ROBO1: variants seen among roughly 807,000 people sequenced by gnomAD.
ROBO1 encodes the protein roundabout guidance receptor 1.
Under a neutral mutation model 195.9 loss-of-function variants are expected in ROBO1, and 149 were observed. The observed-to-expected ratio is 0.76, with a 90% confidence interval of 0.67 to 0.87. The LOEUF is 0.87. ROBO1 is among the 40% of genes least tolerant of loss of function. The probability of loss-of-function intolerance (pLI) is 0.00; values close to 1 mark genes in which losing one functional copy is unlikely to be tolerated. For synonymous variants in ROBO1, 816 were observed against 733.2 expected (o/e 1.11, Z -1.82); for missense variants, 1,933 against 2,068.3 (o/e 0.93, Z 1.27).
rs908472054 is a variant in ROBO1, at chr3:78,647,611, G to T, written c.2839+18C>A. On this transcript the variant is annotated intron_variant, in intron 20 of 30. Transcript: ENST00000464233. ...CAAACTAACAATGGAAAGGAGGAGG[G>T]TAAGTGCAAATATATACCTGTTGGT... is the stretch of plus-strand genomic sequence containing the variant. The T allele has an allele frequency of 6.2e-7, 1 of 1,607,998 alleles. No individual in the cohort carries two copies. Among genetic ancestry groups the T allele is most frequent in the Non-Finnish European group, 8.5e-7 (1 of 1,174,846 alleles).
intron 2 of ROBO1, among the ~76,000 whole-genome samples, chr3:79,180,503 AG>A (rs1423211751): frequency 6.6e-6 from 1 of 152,124 alleles, no homozygotes; most frequent in African/African-American, 2.4e-5. Flanking sequence ...CTGCCAATCG[AG>A]GTGATAGAGC....
rs1043968642 is a variant in ROBO1, at chr3:79,334,495, G to A, written c.89-208956C>T. On this transcript the variant is annotated intron_variant, in intron 2 of 30. Transcript: ENST00000464233. The stretch of plus-strand genomic sequence containing the variant: ...GGATTTTTGTTTCTGTGATTATTGC[G>A]TTCCTAGCACAGCACCTGGTTATAG... 1.3e-4 allele frequency among the ~76,000 whole-genome samples: 19 copies of A among 151,352 alleles called. 1 individual carries two copies. Among genetic ancestry groups the A allele is most frequent in the Admixed American group, 7.9e-4 (12 of 15,188 alleles).
intron 4 of ROBO1, among the ~76,000 whole-genome samples, chr3:78,802,970 C>A (rs373651841): frequency 2.0e-5 from 3 of 152,090 alleles, no homozygotes; most frequent in East Asian, 1.9e-4. Context: ...ATACTGCCTT[C>A]AATAAGGGCT....
chr3:79,556,394 A>G (rs1204540571), intron 2 of ROBO1, among the ~76,000 whole-genome samples: 1 of 152,060 alleles, frequency 6.6e-6, no homozygotes, highest in Non-Finnish European at 1.5e-5. Context: ...ATAATTGTAG[A>G]AAAAAACAGC....
intron 2 of ROBO1, among the ~76,000 whole-genome samples, chr3:79,344,551 T>G (rs2035032008): frequency 6.6e-6 from 1 of 152,168 alleles, no homozygotes. Context: ...AAGTATATTC[T>G]CAGAACACTT....
intron 1 of ROBO1, among the ~76,000 whole-genome samples, chr3:79,723,390 T>A (rs904274150): frequency 3.3e-5 from 5 of 152,184 alleles, no homozygotes; most frequent in African/African-American, 1.2e-4. Flanking sequence ...TCAGATTCAT[T>A]TTAATAATAA....
At chr3:79,463,111 C>T (rs1052859017) in intron 2 of ROBO1, among the ~76,000 whole-genome samples, 4 of 152,112 alleles carry the variant, frequency 2.6e-5, no homozygotes, top group African/African-American at 9.7e-5. Flanking sequence ...AGGTGGCTCA[C>T]GCCTGTAATC....
At chr3:78,613,735 A>G (rs1395619214) in intron 28 of ROBO1, among the ~76,000 whole-genome samples, 2 of 152,222 alleles carry the variant, frequency 1.3e-5, no homozygotes, top group East Asian at 1.9e-4. Context: ...AGTACCTCAG[A>G]AAACCTTCCT....
At chr3:79,716,596 G>C (rs1702496621) in intron 1 of ROBO1, among the ~76,000 whole-genome samples, 1 of 151,796 alleles carries the variant, frequency 6.6e-6, no homozygotes, top group African/African-American at 2.4e-5. Context: ...TTGTGGCATA[G>C]AAAATTAGAA....
intron 1 of ROBO1, among the ~76,000 whole-genome samples, chr3:79,754,471 GGTAA>G (rs1198762636): frequency 6.6e-6 from 1 of 151,968 alleles, no homozygotes; most frequent in African/African-American, 2.4e-5. Context: ...ATTTTAAGAC[GGTAA>G]GTAACAGAAG....
At chr3:79,347,369 T>G (rs2035162292) in intron 2 of ROBO1, among the ~76,000 whole-genome samples, 1 of 152,210 alleles carries the variant, frequency 6.6e-6, no homozygotes, top group Non-Finnish European at 1.5e-5. Context: ...CTGTAATATC[T>G]TAGCATGTTT....
Position 79,471,101 on chromosome 3 carries a change from T to C in ROBO1, c.88+118723A>G, listed in dbSNP as rs1316966949. ...TGGTGCTGGGAAAGCTGGATACCCA[T>C]AGGCAGAAGAAGGAAACTGCACCCT... On this transcript the variant is annotated intron_variant, in intron 2 of 30. Transcript: ENST00000464233. Among the ~76,000 whole-genome samples the C allele has an allele frequency of 2.6e-5, 4 of 152,024 alleles. No individual in the cohort carries two copies. In the East Asian group the frequency reaches 7.7e-4, roughly 29 times the overall value.
chr3:78,607,829 A>G (rs965745478), intron 28 of ROBO1, among the ~76,000 whole-genome samples: 1 of 152,126 alleles, frequency 6.6e-6, no homozygotes, highest in Admixed American at 6.5e-5. Flanking sequence ...GTAGACCTTA[A>G]GCTACTGTGT....
In ROBO1 at chr3:78,670,141, T is replaced by G. The variant is rs759576413; in HGVS notation, c.1503A>C (p.Arg501=). The G allele has an allele frequency of 6.2e-7, 1 of 1,613,496 alleles. No individual in the cohort carries two copies. The highest frequency in any genetic ancestry group is 8.5e-7 in the Non-Finnish European group (1 of 1,179,690). The change falls in exon 11 of 31, where the codon CGA becomes CGC. Residue 501 remains arginine (R), a synonymous_variant. Transcript: ENST00000464233. ...DGVLVSTQDS[R]IKQLENGVLQ... ...GTACTCCATTCTCCAACTGTTTGAT[T>G]CGAGAGTCTTGGGTTGAAACGAGGA... is the stretch of plus-strand genomic sequence containing the variant.
chr3:79,306,049 A>C (rs1457819249), intron 2 of ROBO1, among the ~76,000 whole-genome samples: 2 of 152,286 alleles, frequency 1.3e-5, no homozygotes, highest in East Asian at 3.9e-4. Flanking sequence ...CAGGATATAA[A>C]TCCGAGATAG....
At chr3:78,973,273 T>C (rs933954446) in intron 3 of ROBO1, among the ~76,000 whole-genome samples, 2 of 151,852 alleles carry the variant, frequency 1.3e-5, no homozygotes, top group African/African-American at 4.8e-5. Context: ...CACTTCTCCA[T>C]TGCCTTCAAG....
At chr3:78,916,357 G>T (rs2038587034) in intron 4 of ROBO1, among the ~76,000 whole-genome samples, 1 of 151,472 alleles carries the variant, frequency 6.6e-6, no homozygotes, top group South Asian at 2.1e-4. Context: ...CTCGAGACCA[G>T]CCTGGCCAAC....
intron 4 of ROBO1, among the ~76,000 whole-genome samples, chr3:78,923,833 C>T (rs1273821822): frequency 6.6e-6 from 1 of 151,972 alleles, no homozygotes; most frequent in African/African-American, 2.4e-5. Flanking sequence ...GCGAAGGAGG[C>T]GATGCAAACA....
chr3:79,141,092 A>C (rs2080514762), intron 2 of ROBO1, among the ~76,000 whole-genome samples: 1 of 152,164 alleles, frequency 6.6e-6, no homozygotes, highest in Admixed American at 6.5e-5. Flanking sequence ...GTGATATTTC[A>C]ACATCTGTCC....
Sources: allele counts gnomAD v4.1 joint callset (sites outside exome capture counted in the v4.1 genomes callset), GRCh38; gene constraint gnomAD v4.1.1; transcripts MANE v1.5; gene names NCBI Gene and HGNC (gene_info 2026-07-23, HGNC 2026-07-21).